The following RNF212 variants were observed in gnomAD, a reference collection of about 807,000 sequenced individuals.
RNF212 encodes the protein probable E3 SUMO-protein ligase RNF212.
Under a neutral mutation model 34.7 loss-of-function variants are expected in RNF212, and 33 were observed. The observed-to-expected ratio is 0.95, with a 90% CI of 0.72 to 1.27. The LOEUF is 1.27. Ranked by LOEUF, RNF212 falls within the 50% of genes most tolerant of loss-of-function variation. RNF212 has a pLI of 0.00. For missense variants in RNF212, 377 were observed against 362.2 expected, an observed-to-expected ratio of 1.04 and a Z score of -0.33; for synonymous variants, 140 against 136.1, an observed-to-expected ratio of 1.03 and a Z score of -0.20.
intron 3 of RNF212, among the ~76,000 whole-genome samples, chr4:1,092,473 A>T (rs929701225): frequency 5.3e-5 from 8 of 151,962 alleles, no homozygotes; most frequent in African/African-American, 1.9e-4. Flanking sequence ...GGGGAGCCAC[A>T]CAGGCCTGCA....
chr4:1,103,434 C>T (rs767656268), intron 2 of RNF212, among the ~76,000 whole-genome samples: 48 of 152,044 alleles, frequency 3.2e-4, no homozygotes, highest in Non-Finnish European at 5.0e-4. Flanking sequence ...GTGGAAAGAG[C>T]ATTACAAGAA....
At chr4:1,093,464 C>T in intron 3 of RNF212, 1 of 1,443,402 alleles carries the variant, frequency 6.9e-7, no homozygotes, top group East Asian at 2.5e-5. Context: ...AAAACTCCAC[C>T]CTGCGTTTGT....
At chr4:1,099,915 C>T (rs1228158192) in intron 2 of RNF212, 2 of 455,492 alleles carry the variant, frequency 4.4e-6, no homozygotes, top group Non-Finnish European at 8.8e-6. Context: ...CTGTCAGACA[C>T]AGGAAAGGGG....
chr4:1,076,662 C>T (rs1372396663), intron 8 of RNF212, among the ~76,000 whole-genome samples: 1 of 152,184 alleles, frequency 6.6e-6, no homozygotes, highest in African/African-American at 2.4e-5. Flanking sequence ...GAGCTCTTTC[C>T]AAAGGAACTG....
intron 3 of RNF212, among the ~76,000 whole-genome samples, chr4:1,059,696 C>G (rs1366157737): frequency 6.6e-6 from 1 of 152,260 alleles, no homozygotes; most frequent in Non-Finnish European, 1.5e-5. Context: ...CAGCCTCACA[C>G]CAGTGATTAA....
chr4:1,062,801 T>C (rs890800408), intron 3 of RNF212, among the ~76,000 whole-genome samples: 6 of 152,122 alleles, frequency 3.9e-5, no homozygotes, highest in Non-Finnish European at 7.4e-5. Context: ...ATTTGCCATA[T>C]ACAGAAAACC....
chr4:1,088,520 C>T (rs922033232), intron 4 of RNF212, among the ~76,000 whole-genome samples: 24 of 152,148 alleles, frequency 1.6e-4, no homozygotes, highest in African/African-American at 5.1e-4. Flanking sequence ...AAAATTGCAG[C>T]GCGACCATGC....
At chr4:1,093,424 C>T (rs1722505371) in intron 3 of RNF212, 1 of 1,425,820 alleles carries the variant, frequency 7.0e-7, no homozygotes, top group East Asian at 2.5e-5. Flanking sequence ...ATAAATGTTA[C>T]AATACCACCT....
chr4:1,102,935 A>G (rs908576426), intron 2 of RNF212, among the ~76,000 whole-genome samples: 1 of 151,764 alleles, frequency 6.6e-6, no homozygotes, highest in Non-Finnish European at 1.5e-5. Flanking sequence ...AGGTCAGGAG[A>G]TCGAGACCAT....
chr4:1,102,583 A>C (rs6839291), intron 2 of RNF212, among the ~76,000 whole-genome samples: 123,485 of 151,474 alleles, frequency 0.82, 51,970 homozygotes, highest in East Asian at 1. Flanking sequence ...CAAAAAAAAA[A>C]CACAAAAAAA....
chr4:1,061,028 A>T (rs1023669844), intron 3 of RNF212, among the ~76,000 whole-genome samples: 14 of 152,246 alleles, frequency 9.2e-5, no homozygotes, highest in Admixed American at 8.5e-4. Flanking sequence ...GCCTCTGGAA[A>T]TCAATTCAAG....
chr4:1,076,217 GGC>G (rs949246689), intron 8 of RNF212, among the ~76,000 whole-genome samples: 55 of 152,294 alleles, frequency 3.6e-4, no homozygotes, highest in African/African-American at 1.3e-3. Context: ...GGGGGCCTTA[GGC>G]TCTGCTTCTC....
rs1212980251 is a variant in RNF212 at position 1,072,195 on chromosome 4, G to C, written c.*679C>G. ...ACATACTGTACAATTCCAACTCCAG[G>C]AGAGTCTGAAAAAGGGACCGTAAAA... On this transcript the variant is annotated 3_prime_UTR_variant, in exon 10 of 10. Coordinates refer to ENST00000433731, the MANE Select transcript of RNF212 (RefSeq NM_001131034.4). 1 of 152,264 alleles carries C rather than the reference G, an allele frequency of 6.6e-6. No individual in the cohort carries two copies. The highest frequency in any genetic ancestry group is 1.5e-5 in the Non-Finnish European group (1 of 68,132). 9.4% of individuals were successfully genotyped at this position (152,264 alleles called of 1,614,324 possible).
intron 1 of RNF212, among the ~76,000 whole-genome samples, chr4:1,109,625 T>C (rs541505520): frequency 4.6e-4 from 70 of 152,294 alleles, no homozygotes; most frequent in African/African-American, 1.6e-3. Context: ...TCCTGGGTAT[T>C]TTCTGCCCCA....
downstream of RNF212, chr4:1,071,351 A>C (rs1257589848): frequency 6.6e-6 from 1 of 152,204 alleles, no homozygotes; most frequent in African/African-American, 2.4e-5. Context: ...AAAAAAACTC[A>C]TCTTACAACA....
chr4:1,080,711 C>T (rs558186455), intron 7 of RNF212, among the ~76,000 whole-genome samples: 5 of 152,386 alleles, frequency 3.3e-5, no homozygotes, highest in Non-Finnish European at 4.4e-5. Context: ...TTCTTTCCTG[C>T]CTCTTGCTAC....
chr4:1,068,717 C>CT (rs1718249180), downstream of RNF212, among the ~76,000 whole-genome samples: 1 of 152,172 alleles, frequency 6.6e-6, no homozygotes, highest in African/African-American at 2.4e-5. Context: ...AAATGCCTTC[C>CT]TTTACATTTC....
At chr4:1,102,178 AATG>A (rs1159359261) in intron 2 of RNF212, among the ~76,000 whole-genome samples, 1 of 152,232 alleles carries the variant, frequency 6.6e-6, no homozygotes, top group Non-Finnish European at 1.5e-5. Context: ...ACAAAAAGGA[AATG>A]ATAAAGAGAA....
chr4:1,080,027 G>C (rs1186928945), intron 7 of RNF212, among the ~76,000 whole-genome samples: 3 of 152,138 alleles, frequency 2.0e-5, no homozygotes, highest in African/African-American at 7.2e-5. Flanking sequence ...ACACCTGCCT[G>C]GAGCCTGCTG....
Sources: gnomAD v4.1 joint callset for allele counts (sites outside exome capture counted in the v4.1 genomes callset) on GRCh38, gnomAD v4.1.1 for gene constraint, MANE v1.5 for transcripts, NCBI Gene and HGNC (gene_info 2026-07-23, HGNC 2026-07-21) for gene names.